ZNF69: variants seen among roughly 807,000 people sequenced by gnomAD.
ZNF69 encodes zinc finger protein 69.
A neutral mutation model predicts 50.9 loss-of-function variants in ZNF69; 47 were observed. The observed-to-expected ratio is 0.92, with a 90% confidence interval of 0.73 to 1.18. The LOEUF (loss-of-function observed/expected upper bound fraction) is 1.18, where lower values mean the gene tolerates loss of function less well. ZNF69 is among the 50% of genes most tolerant of loss of function. The pLI is 0.00. For synonymous variants in ZNF69, 216 were observed against 223.1 expected, an observed-to-expected ratio of 0.97 and a Z score of 0.29; for missense variants, 717 against 675.1, an observed-to-expected ratio of 1.06 and a Z score of -0.69.
chr19:11,949,027 G>C, the ZNF69 span: 3 of 1,607,012 alleles, frequency 1.9e-6, no homozygotes, highest in Non-Finnish European at 2.5e-6. Flanking sequence ...AAAACCGTAT[G>C]AATGTAAGCA....
At chr19:11,891,374 TA>T (rs35353560) in intron 1 of ZNF69, among the ~76,000 whole-genome samples, 49,321 of 126,656 alleles carry the variant, frequency 0.39, 10,084 homozygotes, top group African/African-American at 0.6. Flanking sequence ...CTGTCTGTAT[TA>T]AAAAAAAAAA....
downstream of ZNF69, among the ~76,000 whole-genome samples, chr19:11,917,007 G>A (rs1034959420): frequency 3.3e-5 from 5 of 152,186 alleles, no homozygotes; most frequent in Admixed American, 6.5e-5. Context: ...TAAGTGAACT[G>A]TGGGTAGTTC....
chr19:11,928,726 C>T, the ZNF69 span, among the ~76,000 whole-genome samples: 24 of 126,936 alleles, frequency 1.9e-4, no homozygotes, highest in Admixed American at 5.4e-4. Context: ...AGCGAGACTC[C>T]GTCTCAAAAA....
chr19:11,913,537 C>CAA, exon 5 of ZNF69: 1 of 399,704 alleles, frequency 2.5e-6, no homozygotes, highest in Non-Finnish European at 4.6e-6. Context: ...TACAGGCATG[C>CAA]ACCACCACGC....
At chr19:11,917,451 C>T (rs1467290850), downstream of ZNF69, among the ~76,000 whole-genome samples, 3 of 152,188 alleles carry the variant, frequency 2.0e-5, no homozygotes. Context: ...AGTGGGCCAG[C>T]CTGGCCTGTG....
chr19:11,953,063 G>C, the ZNF69 span: 1 of 152,108 alleles, frequency 6.6e-6, no homozygotes, highest in Non-Finnish European at 1.5e-5. Context: ...TCAACAGAGC[G>C]AGACTCCATC....
the ZNF69 span, chr19:11,949,675 C>T: frequency 2.5e-6 from 4 of 1,611,474 alleles, no homozygotes; most frequent in Non-Finnish European, 2.5e-6. Flanking sequence ...TTGCAATTCC[C>T]TTCGATATCA....
At chr19:11,940,332 C>T in the ZNF69 span, among the ~76,000 whole-genome samples, 106 of 152,208 alleles carry the variant, frequency 7.0e-4, no homozygotes, top group Middle Eastern at 0.017. Flanking sequence ...TGGACCCTTG[C>T]GGTGAGTGTT....
At chr19:11,967,529 C>G in the ZNF69 span, among the ~76,000 whole-genome samples, 1 of 151,912 alleles carries the variant, frequency 6.6e-6, no homozygotes, top group African/African-American at 2.4e-5. Flanking sequence ...CTCAGCCTCC[C>G]GAGTAGCTGG....
At chr19:11,896,182 G>A (rs1485508957) in intron 1 of ZNF69, among the ~76,000 whole-genome samples, 1 of 130,378 alleles carries the variant, frequency 7.7e-6, no homozygotes, top group Non-Finnish European at 1.5e-5. Context: ...TCACACCATT[G>A]CTCTCCAGCC....
the ZNF69 span, among the ~76,000 whole-genome samples, chr19:11,922,527 A>G: frequency 6.6e-6 from 1 of 152,244 alleles, no homozygotes; most frequent in Admixed American, 6.5e-5. Context: ...GAGGAAGTTC[A>G]GGGAACAAGC....
the ZNF69 span, among the ~76,000 whole-genome samples, chr19:11,934,539 G>A: frequency 8.8e-5 from 13 of 147,246 alleles, no homozygotes; most frequent in East Asian, 2.5e-3. Flanking sequence ...TTGTTTGTTT[G>A]TTTGGAGATG....
chr19:11,979,704 A>T, the ZNF69 span: 1 of 1,600,494 alleles, frequency 6.2e-7, no homozygotes, highest in Non-Finnish European at 8.5e-7. Flanking sequence ...CCTGAAGAGA[A>T]GCCCTACGAG....
At chr19:11,930,691 GTTTCAC>G in the ZNF69 span, among the ~76,000 whole-genome samples, 1 of 148,214 alleles carries the variant, frequency 6.7e-6, no homozygotes, top group African/African-American at 2.6e-5. Flanking sequence ...GTTTGTCATA[GTTTCAC>G]ATTACCTTAA....
chr19:11,946,991 AAAAT>A, the ZNF69 span: 71 of 1,095,290 alleles, frequency 6.5e-5, no homozygotes, highest in East Asian at 1.6e-4. Flanking sequence ...TCTGTCTCAA[AAAAT>A]AAATAAATAA....
At chr19:11,979,219 A>T in the ZNF69 span, 1 of 1,611,966 alleles carries the variant, frequency 6.2e-7, no homozygotes, top group Non-Finnish European at 8.5e-7. Context: ...TAAAGCCTTC[A>T]ATCTTTCCAG....
At chr19:11,926,911 A>G in the ZNF69 span, among the ~76,000 whole-genome samples, 2 of 152,210 alleles carry the variant, frequency 1.3e-5, no homozygotes, top group Admixed American at 6.5e-5. Context: ...CTCTAGGGAA[A>G]TAGACTCAGT....
At chr19:11,935,622 C>T in the ZNF69 span, among the ~76,000 whole-genome samples, 1 of 152,048 alleles carries the variant, frequency 6.6e-6, no homozygotes, top group African/African-American at 2.4e-5. Flanking sequence ...ACCAGATAGG[C>T]GTTCTGCAAT....
At chr19:11,962,879 T>C in the ZNF69 span, among the ~76,000 whole-genome samples, 1 of 152,066 alleles carries the variant, frequency 6.6e-6, no homozygotes, top group Non-Finnish European at 1.5e-5. Context: ...CCTGATGAAT[T>C]TGATAAAGTT....
Sources: gnomAD v4.1 joint callset for allele counts (sites outside exome capture counted in the v4.1 genomes callset) on GRCh38, gnomAD v4.1.1 for gene constraint, MANE v1.5 for transcripts, NCBI Gene and HGNC (gene_info 2026-07-23, HGNC 2026-07-21) for gene names.